TRIM2: variants seen among roughly 807,000 people sequenced by gnomAD.
TRIM2 encodes tripartite motif-containing protein 2.
TRIM2 carries 20 observed loss-of-function variants against 75.2 expected under a neutral mutation model. The observed-to-expected ratio is 0.27, with a 90% CI of 0.19 to 0.39. The LOEUF (loss-of-function observed/expected upper bound fraction) is 0.39, where lower values mean the gene tolerates loss of function less well. TRIM2 is among the 10% of genes least tolerant of loss of function. The pLI, the probability that TRIM2 is intolerant of heterozygous loss-of-function variation, is 1.00. For missense variants in TRIM2, 660 were observed against 990.8 expected, an observed-to-expected ratio of 0.67 and a Z score of 4.48; for synonymous variants, 373 against 388.3, an observed-to-expected ratio of 0.96 and a Z score of 0.46.
chr4:153,163,493 A>ATATTTTTTTTTTTTTTTTT (rs1390228832), intron 1 of TRIM2, among the ~76,000 whole-genome samples: 2 of 80,882 alleles, frequency 2.5e-5, no homozygotes. Context: ...CTAGATTTAC[A>ATATTTTTTTTTTTTTTTTT]TCTTTTTTTT....
At chr4:153,190,218 G>T (rs1409396229) in intron 1 of TRIM2, among the ~76,000 whole-genome samples, 1 of 152,216 alleles carries the variant, frequency 6.6e-6, no homozygotes, top group Non-Finnish European at 1.5e-5. Context: ...TAGAGAAGAT[G>T]AATTCTGTAT....
In TRIM2 at chr4:153,335,890, A is replaced by T. The variant is rs1179574444; in HGVS notation, c.*924A>T. Reference sequence around the variant, plus strand: ...ATGTCAGCACATGTAGTAGGACACCAGTATCCTAGGACAGAGAGCCATAAG... The same window carrying T: ...ATGTCAGCACATGTAGTAGGACACCTGTATCCTAGGACAGAGAGCCATAAG... On this transcript the variant is annotated 3_prime_UTR_variant, in exon 12 of 12. Transcript: ENST00000338700. The T allele has an allele frequency of 1.0e-6, 1 of 985,720 alleles. No individual in the cohort carries two copies. The highest frequency in any genetic ancestry group is 1.2e-6 in the Non-Finnish European group (1 of 829,942). 61.1% of individuals were successfully genotyped at this position (985,720 alleles called of 1,614,324 possible). A position where few individuals can be genotyped will look rare whatever the true frequency, so the allele number is the denominator to read the frequency against.
At position 153,326,933 on chromosome 4, in the gene TRIM2, T is replaced by C. The variant is rs1015443305; in HGVS notation, c.2023-1597T>C. On this transcript the variant is annotated intron_variant, in intron 10 of 11. Transcript: ENST00000338700. ...AAGTGGAGGTTGCGGTGAGCCAAGA[T>C]TGTGCCACTGCATTCCAGCCTGGGT... 2.1e-5 allele frequency among the ~76,000 whole-genome samples: 3 copies of C among 144,254 alleles called. No homozygotes were observed. In the East Asian group the frequency reaches 6.0e-4, roughly 29 times the overall value. The allele number at this position is 144,254 out of a possible 152,430, so 94.6% of individuals were successfully genotyped here. A position where few individuals can be genotyped will look rare whatever the true frequency, so the allele number is the denominator to read the frequency against.
chr4:153,254,582 T>C (rs539594210), intron 1 of TRIM2, among the ~76,000 whole-genome samples: 26 of 152,306 alleles, frequency 1.7e-4, no homozygotes, highest in African/African-American at 6.3e-4. Context: ...ACTATTACCA[T>C]CTACCTACCT....
chr4:153,271,771 T>C (rs918202416), intron 2 of TRIM2, among the ~76,000 whole-genome samples: 1 of 152,186 alleles, frequency 6.6e-6, no homozygotes, highest in Non-Finnish European at 1.5e-5. Flanking sequence ...AGTCCATGTG[T>C]CCCTGGGCAC....
intron 1 of TRIM2, among the ~76,000 whole-genome samples, chr4:153,192,360 A>G (rs1002871037): frequency 1.8e-4 from 28 of 152,198 alleles, no homozygotes; most frequent in African/African-American, 6.0e-4. Context: ...TAATCCCAAC[A>G]CTTTGGGAGG....
chr4:153,196,902 G>T (rs1560802698), intron 1 of TRIM2, among the ~76,000 whole-genome samples: 1 of 152,182 alleles, frequency 6.6e-6, no homozygotes, highest in Non-Finnish European at 1.5e-5. Flanking sequence ...CCATTGCTTG[G>T]TCCACCATCG....
intron 1 of TRIM2, among the ~76,000 whole-genome samples, chr4:153,244,019 T>G (rs1747432128): frequency 6.6e-6 from 1 of 151,906 alleles, no homozygotes; most frequent in East Asian, 1.9e-4. Flanking sequence ...GGGGTCTCCC[T>G]ATGTTGCCCA....
At chr4:153,171,417 C>A (rs949267263) in intron 1 of TRIM2, among the ~76,000 whole-genome samples, 1 of 152,124 alleles carries the variant, frequency 6.6e-6, no homozygotes, top group Non-Finnish European at 1.5e-5. Flanking sequence ...GAAACCCCGT[C>A]TCCACTAAAA....
Position 153,338,610 on chromosome 4 carries a change from G to A in TRIM2, c.*3644G>A. 4.1e-6 allele frequency: 4 copies of A among 984,774 alleles called. No individual in the cohort carries two copies. The highest frequency in any genetic ancestry group is 4.8e-6 in the Non-Finnish European group (4 of 829,304). The allele number at this position is 984,774 out of a possible 1,614,324, so 61.0% of individuals were successfully genotyped here. On this transcript the variant is annotated 3_prime_UTR_variant, in exon 12 of 12. Coordinates refer to ENST00000338700, the MANE Select transcript of TRIM2 (RefSeq NM_015271.5). ...CTAAGTGCCCATCAAAGATTTGTTT[G>A]GTATAAATAAAGAATTATTTGTTTT... is the stretch of plus-strand genomic sequence containing the variant.
rs567706314 is a variant in TRIM2 at position 153,296,267 on chromosome 4, C to T, written c.1510+231C>T. Among the ~76,000 whole-genome samples, 4 of 152,346 alleles carry T rather than the reference C, an allele frequency of 2.6e-5. No homozygotes were observed. The East Asian group carries it at 7.7e-4, about 29-fold the overall frequency. The stretch of plus-strand genomic sequence containing the variant: ...GTCTCCTCCCTACTCCCTCCTTTCT[C>T]TTCTTCCTCTTCCTTAAGACACAAG... On this transcript the variant is annotated intron_variant, in intron 6 of 11. Coordinates refer to ENST00000338700, the MANE Select transcript of TRIM2 (RefSeq NM_015271.5).
chr4:153,218,644 G>A (rs1014828353), intron 1 of TRIM2, among the ~76,000 whole-genome samples: 6 of 151,998 alleles, frequency 3.9e-5, no homozygotes, highest in South Asian at 2.1e-4. Context: ...TACCCTTTCC[G>A]TATAGTATTT....
chr4:153,211,628 G>A (rs1737048882), intron 1 of TRIM2, among the ~76,000 whole-genome samples: 1 of 151,694 alleles, frequency 6.6e-6, no homozygotes, highest in African/African-American at 2.4e-5. Context: ...TGGGACTACA[G>A]GCATGCACCA....
chr4:153,169,057 TGACAGAGCGAGAC>T (rs543073289), intron 1 of TRIM2, among the ~76,000 whole-genome samples: 344 of 151,998 alleles, frequency 2.3e-3, no homozygotes, highest in African/African-American at 7.6e-3. Flanking sequence ...CCCACCTGGA[TGACAGAGCGAGAC>T]TTATCTCAAA....
At position 153,336,384 on chromosome 4, in the gene TRIM2, A is replaced by G; in HGVS notation, c.*1418A>G. On this transcript the variant is annotated 3_prime_UTR_variant, in exon 12 of 12. Coordinates refer to ENST00000338700, the MANE Select transcript of TRIM2 (RefSeq NM_015271.5). ...CAAAAAAAAAACCACACACACACAT[A>G]AAAAACCCAACAGGTCAAAATAAAA... The G allele has an allele frequency of 3.0e-6, 3 of 985,024 alleles. No individual in the cohort carries two copies. The highest frequency in any genetic ancestry group is 3.6e-6 in the Non-Finnish European group (3 of 829,512). The allele number at this position is 985,024 out of a possible 1,614,324, so 61.0% of individuals were successfully genotyped here.
chr4:153,311,268 T>C (rs1766228088), intron 6 of TRIM2, among the ~76,000 whole-genome samples: 1 of 152,202 alleles, frequency 6.6e-6, no homozygotes, highest in Non-Finnish European at 1.5e-5. Flanking sequence ...TCCAACATCA[T>C]GTCCATATTT....
intron 6 of TRIM2, among the ~76,000 whole-genome samples, chr4:153,315,222 A>G (rs1421883578): frequency 6.6e-6 from 1 of 152,246 alleles, no homozygotes; most frequent in Admixed American, 6.5e-5. Flanking sequence ...AGAATATTTT[A>G]AACATGTTAA....
intron 1 of TRIM2, among the ~76,000 whole-genome samples, chr4:153,222,066 A>AGGG (rs1579735106): frequency 1.5e-5 from 2 of 134,802 alleles, no homozygotes; most frequent in African/African-American, 2.6e-5. Context: ...GGAAGGAAGG[A>AGGG]AGGAAAGAAA....
intron 1 of TRIM2, among the ~76,000 whole-genome samples, chr4:153,253,304 G>A (rs950814679): frequency 2.0e-5 from 3 of 152,142 alleles, no homozygotes; most frequent in Admixed American, 1.3e-4. Context: ...GGGGACAGAT[G>A]TACTTTTAAC....
Sources: allele counts gnomAD v4.1 joint callset (sites outside exome capture counted in the v4.1 genomes callset), GRCh38; gene constraint gnomAD v4.1.1; transcripts MANE v1.5; gene names NCBI Gene and HGNC (gene_info 2026-07-23, HGNC 2026-07-21).